The following KIAA0586 variants were observed in gnomAD, a reference collection of about 807,000 sequenced individuals.
The protein encoded by KIAA0586 is protein TALPID3.
A neutral mutation model predicts 169.8 loss-of-function variants in KIAA0586; 144 were observed. That is an observed-to-expected ratio of 0.85 (90% CI 0.74 to 0.97). The LOEUF is 0.97. Among genes scored for constraint, KIAA0586 ranks in the 50% least tolerant of loss-of-function variants. KIAA0586 has a pLI of 0.00. For missense variants in KIAA0586, 1,854 were observed against 1,823.0 expected (o/e 1.02, Z -0.31); for synonymous variants, 625 against 612.4 (o/e 1.02, Z -0.30).
intron 29 of KIAA0586, among the ~76,000 whole-genome samples, chr14:58,520,526 TTG>T (rs1415934826): frequency 6.6e-6 from 1 of 151,968 alleles, no homozygotes; most frequent in Non-Finnish European, 1.5e-5. Context: ...GTTGTTGTTG[TTG>T]TTGTTGTTGT....
At chr14:58,481,482 G>C (rs1036513607) in intron 20 of KIAA0586, among the ~76,000 whole-genome samples, 4 of 152,152 alleles carry the variant, frequency 2.6e-5, no homozygotes, top group Non-Finnish European at 4.4e-5. Context: ...TAGAAGGAAG[G>C]GAGGTTTGCC....
At position 58,448,441 on chromosome 14, in the gene KIAA0586, TA is replaced by T; in HGVS notation, c.911del (p.Asn304IlefsTer20). On this transcript the variant is annotated frameshift_variant, in exon 7 of 31. Transcript: ENST00000652326. LOFTEE classifies it high-confidence loss of function. ...EKYSVKPEHP[N>X]LGSCNPSLYN... is the part of the protein sequence containing the mutation. ...AGTATTCCGTAAAACCAGAACACCC[TA>T]ATCTTGGTAGCTGTAATCCATCTTT... 2 of 1,612,578 alleles carry T rather than the reference TA, an allele frequency of 1.2e-6. No individual in the cohort carries two copies. The highest frequency in any genetic ancestry group is 1.7e-6 in the Non-Finnish European group (2 of 1,178,778).
intron 21 of KIAA0586, among the ~76,000 whole-genome samples, chr14:58,484,900 A>ATATTTATATATATATTTT (rs1555391503): frequency 0.21 from 1,880 of 9,108 alleles, 352 homozygotes; most frequent in East Asian, 0.43. Flanking sequence ...TTATATATAT[A>ATATTTATATATATATTTT]TATATATATA....
intron 29 of KIAA0586, chr14:58,521,422 T>C: frequency 2.5e-6 from 2 of 790,892 alleles, no homozygotes; most frequent in Non-Finnish European, 4.5e-6. Flanking sequence ...CGGGCCGCTG[T>C]AGGTGGAGAT....
At chr14:58,439,935 C>G in intron 4 of KIAA0586, 1 of 460,160 alleles carries the variant, frequency 2.2e-6, no homozygotes, top group Non-Finnish European at 2.9e-6. Flanking sequence ...GGCCAAATAC[C>G]GAGCAAATTG....
intron 29 of KIAA0586, among the ~76,000 whole-genome samples, chr14:58,538,657 G>A (rs891079008): frequency 2.0e-5 from 3 of 151,476 alleles, no homozygotes; most frequent in African/African-American, 7.3e-5. Context: ...AAATTACTGG[G>A]CCTAATTCAT....
At chr14:58,456,650 A>T in intron 9 of KIAA0586, 52 bp from the exon 10 acceptor site, 1 of 943,512 alleles carries the variant, frequency 1.1e-6, no homozygotes, top group Non-Finnish European at 1.7e-6. Flanking sequence ...ACAACAATTT[A>T]GGAAACTTTT....
In KIAA0586 at chr14:58,516,614, C is replaced by G. The variant is rs183733279; in HGVS notation, c.4429+3987C>G. Among the ~76,000 whole-genome samples the G allele has an allele frequency of 2.6e-5, 4 of 152,248 alleles. No individual in the cohort carries two copies. The South Asian group carries it at 6.2e-4, about 24-fold the overall frequency. On this transcript the variant is annotated intron_variant, in intron 29 of 30. Coordinates refer to ENST00000652326, the MANE Select transcript of KIAA0586 (RefSeq NM_001329943.3). Reference sequence around the variant, plus strand: ...ATTCAGTGCAATCTCAAAAACATTCCAGCAGGGATTTCTGGGTAGAAGTTG... The same window carrying G: ...ATTCAGTGCAATCTCAAAAACATTCGAGCAGGGATTTCTGGGTAGAAGTTG...
intron 29 of KIAA0586, among the ~76,000 whole-genome samples, chr14:58,514,547 T>A (rs1341073245): frequency 1.3e-5 from 2 of 152,042 alleles, no homozygotes. Flanking sequence ...GTTTTAATGA[T>A]CATCCATTAA....
intron 30 of KIAA0586, among the ~76,000 whole-genome samples, chr14:58,542,408 T>C (rs1455801659): frequency 6.7e-6 from 1 of 150,262 alleles, no homozygotes; most frequent in East Asian, 2.0e-4. Flanking sequence ...TCCCGGGAGG[T>C]GGAGGTTGCA....
At chr14:58,431,385 C>G (rs1366762178) in intron 3 of KIAA0586, among the ~76,000 whole-genome samples, 1 of 152,124 alleles carries the variant, frequency 6.6e-6, no homozygotes, top group Admixed American at 6.5e-5. Flanking sequence ...GCCTCAGCCT[C>G]CTGAGTAGCT....
At position 58,467,718 on chromosome 14, in the gene KIAA0586, T is replaced by C. The variant is rs1157416125; in HGVS notation, c.2255-17T>C. 1 of 1,573,458 alleles carries C rather than the reference T, an allele frequency of 6.4e-7. No individual in the cohort carries two copies. The highest frequency in any genetic ancestry group is 8.6e-7 in the Non-Finnish European group (1 of 1,159,980). On this transcript the variant is annotated splice_polypyrimidine_tract_variant and intron_variant, in intron 15 of 30. Transcript: ENST00000652326. ...TTTCTGAACTAGTTGACTTATTTTT[T>C]CTCCTAAACTTCTTAGGACAAACCC... is the stretch of plus-strand genomic sequence containing the variant.
At chr14:58,442,622 C>T (rs557182269) in intron 4 of KIAA0586, 84 bp from the exon 5 acceptor site, 11 of 1,033,572 alleles carry the variant, frequency 1.1e-5, no homozygotes, top group East Asian at 2.8e-5. Flanking sequence ...AAACCACCTT[C>T]GGCAGATTAC....
chr14:58,486,102 C>T (rs1027788827), intron 21 of KIAA0586, among the ~76,000 whole-genome samples: 4 of 152,190 alleles, frequency 2.6e-5, no homozygotes, highest in African/African-American at 7.2e-5. Flanking sequence ...TTTCTTCCCT[C>T]CTGCCCCCTG....
chr14:58,456,556 A>G (rs2039868011), intron 9 of KIAA0586, 146 bp from the exon 10 acceptor site: 1 of 533,818 alleles, frequency 1.9e-6, no homozygotes, highest in Non-Finnish European at 3.4e-6. Context: ...GATTAATTCC[A>G]TAGTTCAATT....
At chr14:58,470,040 C>G (rs1363160260) in intron 16 of KIAA0586, among the ~76,000 whole-genome samples, 1 of 149,930 alleles carries the variant, frequency 6.7e-6, no homozygotes, top group East Asian at 1.9e-4. Context: ...ATCTGGCTAT[C>G]TAGTATAGTG....
At chr14:58,454,401 T>C (rs1172974372) in intron 9 of KIAA0586, among the ~76,000 whole-genome samples, 1 of 152,212 alleles carries the variant, frequency 6.6e-6, no homozygotes, top group Non-Finnish European at 1.5e-5. Flanking sequence ...TAATTATTAC[T>C]TGATGCAGCT....
chr14:58,432,757 G>A (rs112002852), intron 4 of KIAA0586, among the ~76,000 whole-genome samples: 291 of 152,084 alleles, frequency 1.9e-3, no homozygotes, highest in African/African-American at 6.8e-3. Context: ...GTCTCGCGTC[G>A]CCCAGGCTGG....
At chr14:58,482,981 C>T (rs1357688679) in intron 21 of KIAA0586, among the ~76,000 whole-genome samples, 1 of 152,056 alleles carries the variant, frequency 6.6e-6, no homozygotes, top group Admixed American at 6.5e-5. Context: ...AGTAACGTTT[C>T]CCCCAGCATT....
Sources: gnomAD v4.1 joint callset for allele counts (sites outside exome capture counted in the v4.1 genomes callset) on GRCh38, gnomAD v4.1.1 for gene constraint, MANE v1.5 for transcripts, NCBI Gene and HGNC (gene_info 2026-07-23, HGNC 2026-07-21) for gene names.